Variants in EREG observed in about 807,000 individuals in gnomAD.
EREG encodes the protein proepiregulin.
A neutral mutation model predicts 22.4 loss-of-function variants in EREG; 23 were observed. That is an observed-to-expected ratio of 1.03 (90% CI 0.74 to 1.46). EREG has a LOEUF of 1.46. Among genes scored for constraint, EREG ranks in the 40% most tolerant of loss-of-function variants. The probability of loss-of-function intolerance (pLI) is 0.00; values close to 1 mark genes in which losing one functional copy is unlikely to be tolerated. For missense variants in EREG, 226 were observed against 205.9 expected (o/e 1.10, Z -0.60); for synonymous variants, 100 against 75.4 (o/e 1.33, Z -1.69).
At chr4:74,365,476 T>C in intron 1 of EREG, 101 bp downstream of exon 1, 3 of 1,037,500 alleles carry the variant, frequency 2.9e-6, no homozygotes, top group Non-Finnish European at 4.3e-6. Flanking sequence ...TGTCTCCAGG[T>C]TCAAGTGTGC....
chr4:74,365,254 C>T lies in EREG; in HGVS notation c.-55C>T, dbSNP rs531290752. 2.8e-6 allele frequency: 4 copies of T among 1,438,730 alleles called. No individual in the cohort carries two copies. The East Asian group carries it at 9.2e-5, about 33-fold the overall frequency. The allele number at this position is 1,438,730 out of a possible 1,614,324, so 89.1% of individuals were successfully genotyped here. A position where few individuals can be genotyped will look rare whatever the true frequency, so the allele number is the denominator to read the frequency against. On this transcript the variant is annotated 5_prime_UTR_variant, in exon 1 of 5. Transcript: ENST00000244869. ...CGAGCCCGTCTGCTCCCGCCCTGCCCGTGCACTCTCCGCAGCCGCCCTCCG... is the reference window on the plus strand; with the variant it reads ...CGAGCCCGTCTGCTCCCGCCCTGCCTGTGCACTCTCCGCAGCCGCCCTCCG...
intron 3 of EREG, chr4:74,381,820 C>CA (rs574111716): frequency 0.012 from 1,580 of 135,700 alleles, 29 homozygotes; most frequent in East Asian, 0.038. Context: ...ACTAAAAATA[C>CA]AAAAAAAAAA....
intron 2 of EREG, among the ~76,000 whole-genome samples, chr4:74,380,269 CT>C (rs35548685): frequency 2.2e-4 from 33 of 148,684 alleles, no homozygotes; most frequent in African/African-American, 6.1e-4. Flanking sequence ...TCCGCATCAT[CT>C]TTTTTTTTTT....
intron 1 of EREG, among the ~76,000 whole-genome samples, chr4:74,368,357 G>C (rs1274693158): frequency 1.3e-5 from 2 of 152,198 alleles, no homozygotes; most frequent in African/African-American, 4.8e-5. Context: ...AGTCATTGAA[G>C]TCAGTTGACT....
chr4:74,383,928 C>A (rs1285734948), intron 4 of EREG, among the ~76,000 whole-genome samples: 1 of 152,092 alleles, frequency 6.6e-6, no homozygotes, highest in Non-Finnish European at 1.5e-5. Flanking sequence ...TATCCCAGCT[C>A]ATATAGTTGA....
chr4:74,382,504 T>C (rs570226853), intron 3 of EREG, 141 bp from the exon 4 acceptor site: 3 of 621,098 alleles, frequency 4.8e-6, no homozygotes, highest in Non-Finnish European at 8.4e-6. Context: ...TAACTCAATC[T>C]TTGAAATCCT....
chr4:74,386,003 C>A lies in EREG; in HGVS notation c.*1195C>A. Reference sequence around the variant, plus strand: ...AATGTAGAAACTTAAACACACCTTCCTGTGGAGGCTGAGATGAAAACTAGG... The same window carrying A: ...AATGTAGAAACTTAAACACACCTTCATGTGGAGGCTGAGATGAAAACTAGG... On this transcript the variant is annotated 3_prime_UTR_variant, in exon 5 of 5. Transcript: ENST00000244869. The A allele has an allele frequency of 2.7e-6, 1 of 374,506 alleles. No homozygotes were observed. Among genetic ancestry groups the A allele is most frequent in the Non-Finnish European group, 4.7e-6 (1 of 210,530 alleles). The allele number at this position is 374,506 out of a possible 1,614,324, so 23.2% of individuals were successfully genotyped here.
chr4:74,383,294 A>G (rs1056466341), intron 4 of EREG, among the ~76,000 whole-genome samples: 1 of 152,190 alleles, frequency 6.6e-6, no homozygotes, highest in Admixed American at 6.5e-5. Context: ...GTTATAGTTA[A>G]CCACCTGAAT....
intron 1 of EREG, among the ~76,000 whole-genome samples, chr4:74,373,491 C>A (rs996044785): frequency 6.6e-6 from 1 of 151,068 alleles, no homozygotes; most frequent in South Asian, 2.1e-4. Context: ...TGCTATAGAC[C>A]GTTTTTACCT....
chr4:74,382,513 C>G, intron 3 of EREG, 132 bp from the exon 4 acceptor site: 1 of 646,962 alleles, frequency 1.5e-6, no homozygotes, highest in Non-Finnish European at 2.6e-6. Flanking sequence ...CTTTGAAATC[C>G]TCTTTACAAT....
intron 1 of EREG, among the ~76,000 whole-genome samples, chr4:74,377,500 T>A (rs1752401970): frequency 6.6e-6 from 1 of 152,250 alleles, no homozygotes; most frequent in African/African-American, 2.4e-5. Flanking sequence ...ATGGGGATAA[T>A]AATAGTATCT....
chr4:74,369,364 TCATAGTACATAGTA>T (rs561002826), intron 1 of EREG, among the ~76,000 whole-genome samples: 2 of 152,252 alleles, frequency 1.3e-5, no homozygotes, highest in African/African-American at 2.4e-5. Context: ...CTTTGTGTAC[TCATAGTACATAGTA>T]CATAGTACAT....
Position 74,388,003 on chromosome 4 carries a change from G to A in EREG, c.*3195G>A, listed in dbSNP as rs186648714. ...TATTTTTTGCTCTAATCTCTCTGCC[G>A]AAAGTCAAAGTGATGGGAGAATTGG... On this transcript the variant is annotated 3_prime_UTR_variant, in exon 5 of 5. Coordinates refer to ENST00000244869, the MANE Select transcript of EREG (RefSeq NM_001432.3). The A allele has an allele frequency of 2.0e-5, 3 of 152,220 alleles. No individual in the cohort carries two copies. The highest frequency in any genetic ancestry group is 1.9e-4 in the East Asian group (1 of 5,184). 9.4% of individuals were successfully genotyped at this position (152,220 alleles called of 1,614,324 possible). A position where few individuals can be genotyped will look rare whatever the true frequency, so the allele number is the denominator to read the frequency against.
At chr4:74,375,725 G>C (rs1752370637) in intron 1 of EREG, among the ~76,000 whole-genome samples, 1 of 152,078 alleles carries the variant, frequency 6.6e-6, no homozygotes, top group Admixed American at 6.6e-5. Flanking sequence ...TTCTACCCTA[G>C]TTTGCAAGTG....
chr4:74,366,057 A>C (rs1021613419), intron 1 of EREG, among the ~76,000 whole-genome samples: 4 of 152,086 alleles, frequency 2.6e-5, no homozygotes, highest in African/African-American at 9.7e-5. Context: ...AGCGTTCTGC[A>C]CTTGCTGCTA....
rs72859347 is a variant in EREG at position 74,376,290 on chromosome 4, T to C, written c.68-3158T>C. ...AACTAGCTTCAAATGTGCATTTTTT[T>C]CCCCCTGGCTAGCATTTTCCTGGAG... On this transcript the variant is annotated intron_variant, in intron 1 of 4. Transcript: ENST00000244869. Among the ~76,000 whole-genome samples, 967 of 152,266 alleles carry C rather than the reference T, an allele frequency of 6.4e-3. 9 individuals are homozygous for C. The highest frequency in any genetic ancestry group is 0.022 in the African/African-American group (929 of 41,540).
intron 2 of EREG, 23 bp downstream of exon 2, chr4:74,379,557 G>A (rs1752440210): frequency 7.6e-7 from 1 of 1,307,484 alleles, no homozygotes; most frequent in South Asian, 1.2e-5. Flanking sequence ...TTGTCAATGT[G>A]GCATCAAGAG....
At chr4:74,378,291 G>C (rs138947357) in intron 1 of EREG, among the ~76,000 whole-genome samples, 11 of 152,074 alleles carry the variant, frequency 7.2e-5, no homozygotes, top group African/African-American at 2.7e-4. Flanking sequence ...TAGTTATCAC[G>C]CACCCTAGGC....
intron 1 of EREG, among the ~76,000 whole-genome samples, chr4:74,375,858 G>C (rs4694680): frequency 0.055 from 8,311 of 152,210 alleles, 507 homozygotes; most frequent in African/African-American, 0.15. Context: ...CATCCATGAT[G>C]GAATTGCAGT....
Sources: gnomAD v4.1 joint callset for allele counts (sites outside exome capture counted in the v4.1 genomes callset) on GRCh38, gnomAD v4.1.1 for gene constraint, MANE v1.5 for transcripts, NCBI Gene and HGNC (gene_info 2026-07-23, HGNC 2026-07-21) for gene names.